The following SIGLEC12 variants were observed in gnomAD, a reference collection of about 807,000 sequenced individuals.
The protein encoded by SIGLEC12 is sialic acid binding Ig like lectin 12.
SIGLEC12 carries 43 observed loss-of-function variants against 54.1 expected under a neutral mutation model. The observed-to-expected ratio is 0.80, with a 90% confidence interval of 0.62 to 1.03. The LOEUF is 1.03. SIGLEC12 is among the 50% of genes least tolerant of loss of function. The pLI, the probability that SIGLEC12 is intolerant of heterozygous loss-of-function variation, is 0.00. For synonymous variants in SIGLEC12, 357 were observed against 307.6 expected, an observed-to-expected ratio of 1.16 and a Z score of -1.68; for missense variants, 802 against 735.2, an observed-to-expected ratio of 1.09 and a Z score of -1.05.
In SIGLEC12 at chr19:51,500,294, T is replaced by C; in HGVS notation, c.434A>G (p.Gln145Arg). ...DQLSVNVTAS[Q>R]DLLSRYRLEV... ...CAGCCTGTATCTTGACAGTAGGTCCTGGGACGCTGTGGAGAAACGAGGGTC... is the reference window on the plus strand; with the variant it reads ...CAGCCTGTATCTTGACAGTAGGTCCCGGGACGCTGTGGAGAAACGAGGGTC... The change falls in exon 2 of 8, where the codon CAG (glutamine) becomes CGG (arginine). Residue 145 changes from glutamine to arginine, a missense_variant. Coordinates refer to ENST00000291707, the MANE Select transcript of SIGLEC12 (RefSeq NM_053003.4). 1 of 1,614,190 alleles carries C rather than the reference T, an allele frequency of 6.2e-7. No homozygotes were observed.
chr19:51,497,132 G>C (rs897437039), intron 6 of SIGLEC12, among the ~76,000 whole-genome samples, 156 bp from the exon 7 acceptor site: 1 of 152,172 alleles, frequency 6.6e-6, no homozygotes, highest in Admixed American at 6.5e-5. Context: ...CGAAAACAGA[G>C]GCTCTTTTTT....
chr19:51,498,735 G>T (rs1990309964), intron 4 of SIGLEC12, among the ~76,000 whole-genome samples: 2 of 152,192 alleles, frequency 1.3e-5, no homozygotes, highest in African/African-American at 4.8e-5. Context: ...AGATCTTCCA[G>T]GTGCACAAAC....
intron 1 of SIGLEC12, 138 bp from the exon 2 acceptor site, chr19:51,500,438 G>A (rs931951586): frequency 6.6e-7 from 1 of 1,509,762 alleles, no homozygotes; most frequent in African/African-American, 1.4e-5. Context: ...AGGAGGGGCA[G>A]GGCTGTGGGA....
chr19:51,495,709 T>G (rs1254280797), intron 7 of SIGLEC12, among the ~76,000 whole-genome samples: 2 of 152,250 alleles, frequency 1.3e-5, no homozygotes, highest in East Asian at 3.8e-4. Flanking sequence ...CCAAGACTTT[T>G]AAATGTTTTC....
Position 51,501,771 on chromosome 19 carries a change from C to A in SIGLEC12, c.-38G>T. The A allele has an allele frequency of 6.5e-7, 1 of 1,545,196 alleles. No homozygotes were observed. The highest frequency in any genetic ancestry group is 8.7e-7 in the Non-Finnish European group (1 of 1,143,694). ...AGGTGCCAGGGTTGCTGAGGTAAGT[C>A]TGTTCCTCAGGGTTCTTCTCTCAGG... is the stretch of plus-strand genomic sequence containing the variant. On this transcript the variant is annotated 5_prime_UTR_variant, in exon 1 of 8. Coordinates refer to ENST00000291707, the MANE Select transcript of SIGLEC12 (RefSeq NM_053003.4).
Position 51,496,934 on chromosome 19 carries a change from G to T in SIGLEC12, c.1545C>A (p.Gly515=), listed in dbSNP as rs777248672. The part of the protein sequence containing the change: ...CRKKSARPAV[G]VGDTGMEDAN... Reference sequence around the variant, plus strand: ...CGTCCTCCATGCCTGTATCCCCCACGCCCACTGCTGGCCTTGCCGATTTCT... The same window carrying T: ...CGTCCTCCATGCCTGTATCCCCCACTCCCACTGCTGGCCTTGCCGATTTCT... Residue 515 remains glycine, a synonymous_variant, in exon 7 of 8, where the codon GGC becomes GGA. Coordinates refer to ENST00000291707, the MANE Select transcript of SIGLEC12 (RefSeq NM_053003.4). 1.9e-6 allele frequency: 3 copies of T among 1,613,658 alleles called. No homozygotes were observed. The Admixed American group carries it at 5.0e-5, about 27-fold the overall frequency.
Position 51,496,823 on chromosome 19 carries a change from C to G in SIGLEC12, c.1599+57G>C. Reference sequence around the variant, plus strand: ...AGGACAGTGAGGAAGTAATCCCCTTCCATGCCTGGCCTGGGAGAAAGCAGG... The same window carrying G: ...AGGACAGTGAGGAAGTAATCCCCTTGCATGCCTGGCCTGGGAGAAAGCAGG... On this transcript the variant is annotated intron_variant, in intron 7 of 7. Transcript: ENST00000291707. 2 of 1,589,374 alleles carry G rather than the reference C, an allele frequency of 1.3e-6. 1 individual carries two copies. Among genetic ancestry groups the G allele is most frequent in the South Asian group, 2.2e-5 (2 of 90,592 alleles).
Position 51,491,526 on chromosome 19 carries a change from G to T in SIGLEC12, c.*115C>A. 1 of 1,018,524 alleles carries T rather than the reference G, an allele frequency of 9.8e-7. No homozygotes were observed. Among genetic ancestry groups the T allele is most frequent in the Non-Finnish European group, 1.5e-6 (1 of 676,908 alleles). 63.1% of individuals were successfully genotyped at this position (1,018,524 alleles called of 1,614,324 possible). A position where few individuals can be genotyped will look rare whatever the true frequency, so the allele number is the denominator to read the frequency against. ...ATTTTCAGTTTGACAAGAGGAATAAGTTCTGATGTCCTGTTGCACAGCATG... is the reference window on the plus strand; with the variant it reads ...ATTTTCAGTTTGACAAGAGGAATAATTTCTGATGTCCTGTTGCACAGCATG... On this transcript the variant is annotated 3_prime_UTR_variant, in exon 8 of 8. Transcript: ENST00000291707.
rs763154440 is a variant in SIGLEC12 at position 51,497,047 on chromosome 19, C to T, written c.1503-71G>A. 9 of 1,610,110 alleles carry T rather than the reference C, an allele frequency of 5.6e-6. No individual in the cohort carries two copies. In the East Asian group the frequency reaches 1.1e-4, roughly 20 times the overall value. ...TGCAGTGGGCAGACCAACCCCTGCCCTGTATTTCCTATTGGGGAGCTGGAG... is the reference window on the plus strand; with the variant it reads ...TGCAGTGGGCAGACCAACCCCTGCCTTGTATTTCCTATTGGGGAGCTGGAG... On this transcript the variant is annotated intron_variant, in intron 6 of 7. Coordinates refer to ENST00000291707, the MANE Select transcript of SIGLEC12 (RefSeq NM_053003.4).
At position 51,501,572 on chromosome 19, in the gene SIGLEC12, A is replaced by T. The variant is rs1347419177; in HGVS notation, c.162T>A (p.Thr54=). 1 of 1,613,950 alleles carries T rather than the reference A, an allele frequency of 6.2e-7. No homozygotes were observed. The highest frequency in any genetic ancestry group is 8.5e-7 in the Non-Finnish European group (1 of 1,179,898). ...AGTAGCCATGAACTGGATCGGAGGCAGTCCAGCCATTTTGGGGGTAGGAGA... is the reference window on the plus strand; with the variant it reads ...AGTAGCCATGAACTGGATCGGAGGCTGTCCAGCCATTTTGGGGGTAGGAGA... ...CSFSYPQNGW[T]ASDPVHGYWF... is the part of the protein sequence containing the mutation. Residue 54 remains threonine, a synonymous_variant, in exon 1 of 8, where the codon ACT becomes ACA. Coordinates refer to ENST00000291707, the MANE Select transcript of SIGLEC12 (RefSeq NM_053003.4).
At position 51,499,179 on chromosome 19, in the gene SIGLEC12, C is replaced by T. The variant is rs868826417; in HGVS notation, c.1126G>A (p.Asp376Asn). 5.0e-6 allele frequency: 8 copies of T among 1,613,992 alleles called. No individual in the cohort carries two copies. The highest frequency in any genetic ancestry group is 6.8e-6 in the Non-Finnish European group (8 of 1,179,976). ...QNLTMTVFQG[D>N]GTASTTLRNG... ...GAGGACTCCATCTTACCTGTGCCAT[C>T]TCCTTGGAAGACAGTCATGGTCAAG... Residue 376 changes from aspartate (D) to asparagine (N), a missense_variant, in exon 4 of 8, where the codon GAT becomes AAT. Physicochemically the swap from Asp to Asn is conservative, Grantham distance 23. Coordinates refer to ENST00000291707, the MANE Select transcript of SIGLEC12 (RefSeq NM_053003.4).
At position 51,491,425 on chromosome 19, in the gene SIGLEC12, G is replaced by T. The variant is rs1317976707; in HGVS notation, c.*216C>A. On this transcript the variant is annotated 3_prime_UTR_variant, in exon 8 of 8. Coordinates refer to ENST00000291707, the MANE Select transcript of SIGLEC12 (RefSeq NM_053003.4). ...CCTCAGAGAAGTAGAGAAGAGAATG[G>T]TGGGTACCAGAGGCCGGGGGCGGGG... is the stretch of plus-strand genomic sequence containing the variant. The T allele has an allele frequency of 1.1e-5, 6 of 548,112 alleles. No individual in the cohort carries two copies. Among genetic ancestry groups the T allele is most frequent in the Non-Finnish European group, 1.9e-5 (6 of 307,792 alleles). The allele number at this position is 548,112 out of a possible 1,614,324, so 34.0% of individuals were successfully genotyped here.
At chr19:51,494,053 C>T (rs1051762949) in intron 7 of SIGLEC12, among the ~76,000 whole-genome samples, 1 of 152,182 alleles carries the variant, frequency 6.6e-6, no homozygotes, top group African/African-American at 2.4e-5. Flanking sequence ...TCACTGGTCC[C>T]TCCTGTGCCT....
At chr19:51,498,633 C>A (rs970749911) in intron 4 of SIGLEC12, among the ~76,000 whole-genome samples, 7 of 152,116 alleles carry the variant, frequency 4.6e-5, no homozygotes. Context: ...TTAGAAGATG[C>A]CACAAAATCA....
chr19:51,493,094 C>T (rs1990150011), intron 7 of SIGLEC12, among the ~76,000 whole-genome samples: 1 of 152,198 alleles, frequency 6.6e-6, no homozygotes, highest in African/African-American at 2.4e-5. Flanking sequence ...TTAACATTCA[C>T]ACACACACCA....
chr19:51,496,998 C>A (rs910351472), intron 6 of SIGLEC12, 22 bp from the exon 7 acceptor site: 10 of 1,612,690 alleles, frequency 6.2e-6, no homozygotes, highest in Non-Finnish European at 8.5e-6. Flanking sequence ...GACCAGAGAG[C>A]CTTTCAGTGT....
At chr19:51,499,800 C>A in intron 2 of SIGLEC12, 84 bp from the exon 3 acceptor site, 1 of 1,567,910 alleles carries the variant, frequency 6.4e-7, no homozygotes, top group Non-Finnish European at 8.7e-7. Context: ...TGGTCTTACT[C>A]CTCCCCTGAG....
At chr19:51,499,073 A>T in intron 4 of SIGLEC12, 97 bp downstream of exon 4, 2 of 1,340,814 alleles carry the variant, frequency 1.5e-6, no homozygotes, top group Non-Finnish European at 2.1e-6. Context: ...GCCGGGGCTC[A>T]CCCACAAAAG....
At chr19:51,495,365 G>GTGGA (rs1320189994) in intron 7 of SIGLEC12, among the ~76,000 whole-genome samples, 700 of 60,176 alleles carry the variant, frequency 0.012, 28 homozygotes, top group African/African-American at 0.018. Context: ...AGACGGGTGG[G>GTGGA]TGGATGGATG....
Sources: allele counts gnomAD v4.1 joint callset (sites outside exome capture counted in the v4.1 genomes callset), GRCh38; gene constraint gnomAD v4.1.1; transcripts MANE v1.5; gene names NCBI Gene and HGNC (gene_info 2026-07-23, HGNC 2026-07-21).